The following PACRG variants were observed in gnomAD, a reference collection of about 807,000 sequenced individuals.
PACRG encodes parkin coregulated gene protein.
PACRG carries 29 observed loss-of-function variants against 29.7 expected under a neutral mutation model. The ratio of observed to expected loss-of-function variants is 0.98; its 90% CI spans 0.73 to 1.33. PACRG has a LOEUF of 1.33. Among genes scored for constraint, PACRG ranks in the 40% most tolerant of loss-of-function variants. The pLI, the probability that PACRG is intolerant of heterozygous loss-of-function variation, is 0.00. For missense variants in PACRG, 279 were observed against 316.2 expected, an observed-to-expected ratio of 0.88 and a Z score of 0.89; for synonymous variants, 116 against 118.7, an observed-to-expected ratio of 0.98 and a Z score of 0.15.
intron 4 of PACRG, among the ~76,000 whole-genome samples, chr6:163,286,258 A>G (rs976340373): frequency 2.0e-5 from 3 of 152,224 alleles, no homozygotes; most frequent in African/African-American, 7.2e-5. Context: ...TGAGTTGTCC[A>G]TAAATATTTA....
chr6:163,006,132 TATATATTATTATATATA>T (rs1805080535), intron 2 of PACRG, among the ~76,000 whole-genome samples: 1 of 143,178 alleles, frequency 7.0e-6, no homozygotes, highest in African/African-American at 2.5e-5. Flanking sequence ...CCATATATAT[TATATATTATTATATATA>T]ATATATTATA....
At chr6:163,054,399 T>C (rs1190328547) in intron 2 of PACRG, among the ~76,000 whole-genome samples, 1 of 152,190 alleles carries the variant, frequency 6.6e-6, no homozygotes, top group Non-Finnish European at 1.5e-5. Context: ...TCGAATATGC[T>C]GACACCCTGA....
chr6:162,779,677 C>T (rs34853714), intron 1 of PACRG, among the ~76,000 whole-genome samples: 13,579 of 152,204 alleles, frequency 0.089, 910 homozygotes, highest in South Asian at 0.23. Context: ...AGTCTTCCTT[C>T]TCTTAGAATA....
At chr6:163,006,205 A>C (rs1562824602) in intron 2 of PACRG, among the ~76,000 whole-genome samples, 1 of 116,224 alleles carries the variant, frequency 8.6e-6, no homozygotes, top group African/African-American at 3.2e-5. Context: ...ATATATATAT[A>C]TCCCATATAT....
intron 2 of PACRG, among the ~76,000 whole-genome samples, chr6:162,845,302 C>A (rs1207604737): frequency 2.0e-5 from 3 of 152,078 alleles, no homozygotes; most frequent in South Asian, 4.1e-4. Context: ...CTAAATAAAA[C>A]ATACTCACAT....
intron 1 of PACRG, among the ~76,000 whole-genome samples, chr6:162,804,919 C>T (rs574584114): frequency 1.5e-3 from 234 of 152,264 alleles, no homozygotes; most frequent in South Asian, 5.6e-3. Flanking sequence ...TGTACTTACA[C>T]AAACTTAGAT....
chr6:162,935,963 C>T (rs1798204674), intron 2 of PACRG, among the ~76,000 whole-genome samples: 1 of 152,126 alleles, frequency 6.6e-6, no homozygotes, highest in Admixed American at 6.6e-5. Context: ...AGTCTATTTT[C>T]ATGCTGCTGA....
chr6:163,051,129 C>G (rs1380031642), intron 2 of PACRG: 5 of 152,134 alleles, frequency 3.3e-5, no homozygotes, highest in Non-Finnish European at 7.4e-5. Context: ...TTCAACCTAG[C>G]TACTGAATTT....
intron 1 of PACRG, among the ~76,000 whole-genome samples, chr6:162,762,605 G>A (rs1337590820): frequency 6.6e-6 from 1 of 152,144 alleles, no homozygotes; most frequent in Non-Finnish European, 1.5e-5. Context: ...TGTCTATTTT[G>A]GTCATAACAG....
chr6:163,199,068 C>T (rs1780589596), intron 4 of PACRG, among the ~76,000 whole-genome samples: 1 of 152,186 alleles, frequency 6.6e-6, no homozygotes, highest in African/African-American at 2.4e-5. Context: ...GTCACTTTGA[C>T]TAGAATGGGA....
rs148760890 is a variant in PACRG at position 162,752,727 on chromosome 6, T to C, written c.156+24336T>C. On this transcript the variant is annotated intron_variant, in intron 1 of 4. Coordinates refer to ENST00000366888, the MANE Select transcript of PACRG (RefSeq NM_001080379.2). Reference sequence around the variant, plus strand: ...GAGAATAATGTTGTAGTTACTTTAGTTTGATTTTCGTATGTAGTACCAGAC... The same window carrying C: ...GAGAATAATGTTGTAGTTACTTTAGCTTGATTTTCGTATGTAGTACCAGAC... 9.6e-3 allele frequency among the ~76,000 whole-genome samples: 1,462 copies of C among 152,316 alleles called. 25 individuals are homozygous for C. The highest frequency in any genetic ancestry group is 0.014 in the Non-Finnish European group (985 of 68,022).
chr6:163,177,838 A>G (rs1779458882), intron 4 of PACRG, among the ~76,000 whole-genome samples: 2 of 149,068 alleles, frequency 1.3e-5, no homozygotes, highest in South Asian at 2.1e-4. Context: ...AACAGCACAC[A>G]TGCTTCCAAA....
At chr6:163,256,866 C>T (rs1026956072) in intron 4 of PACRG, among the ~76,000 whole-genome samples, 2 of 152,142 alleles carry the variant, frequency 1.3e-5, no homozygotes, top group Admixed American at 1.3e-4. Context: ...GGCCAAAAGT[C>T]CGAAATCAAG....
chr6:163,124,551 A>C (rs1375967017), intron 4 of PACRG, among the ~76,000 whole-genome samples: 2 of 152,122 alleles, frequency 1.3e-5, no homozygotes, highest in Non-Finnish European at 2.9e-5. Context: ...ATTTTATTTT[A>C]TTTTTCTTAA....
intron 2 of PACRG, among the ~76,000 whole-genome samples, chr6:162,829,010 TGA>T (rs1412759152): frequency 6.6e-6 from 1 of 152,228 alleles, no homozygotes; most frequent in Non-Finnish European, 1.5e-5. Flanking sequence ...AAATATTTTG[TGA>T]GTTTATGCAA....
intron 1 of PACRG, among the ~76,000 whole-genome samples, chr6:162,754,913 G>A (rs546696944): frequency 6.6e-6 from 1 of 152,048 alleles, no homozygotes; most frequent in Non-Finnish European, 1.5e-5. Context: ...CCAGTGCTGG[G>A]CTTTCCTTTG....
At chr6:163,105,463 T>G (rs1815330759) in intron 4 of PACRG, among the ~76,000 whole-genome samples, 1 of 152,154 alleles carries the variant, frequency 6.6e-6, no homozygotes, top group African/African-American at 2.4e-5. Context: ...TATCAGCACT[T>G]AGCTATTCCA....
At chr6:163,104,651 C>A (rs1815283193) in intron 4 of PACRG, among the ~76,000 whole-genome samples, 1 of 152,274 alleles carries the variant, frequency 6.6e-6, no homozygotes, top group African/African-American at 2.4e-5. Context: ...AGATATAGAG[C>A]AAGCTTACAC....
chr6:163,252,934 G>A (rs572917887), intron 4 of PACRG, among the ~76,000 whole-genome samples: 2 of 152,314 alleles, frequency 1.3e-5, no homozygotes, highest in South Asian at 4.1e-4. Flanking sequence ...ATGTGTGTGT[G>A]TTTCTTCTCC....
Sources: gnomAD v4.1 joint callset for allele counts (sites outside exome capture counted in the v4.1 genomes callset) on GRCh38, gnomAD v4.1.1 for gene constraint, MANE v1.5 for transcripts, NCBI Gene and HGNC (gene_info 2026-07-23, HGNC 2026-07-21) for gene names.